THEMIS: variants seen among roughly 807,000 people sequenced by gnomAD.
The protein encoded by THEMIS is protein THEMIS.
In THEMIS, 37 loss-of-function variants were observed where a neutral mutation model predicts 52.6. The observed-to-expected ratio is 0.70, with a 90% CI of 0.54 to 0.93. THEMIS has a LOEUF of 0.93. Ranked by LOEUF, THEMIS falls within the 40% of genes least tolerant of loss-of-function variation. The probability of loss-of-function intolerance (pLI) is 0.00; values close to 1 mark genes in which losing one functional copy is unlikely to be tolerated. For missense variants in THEMIS, 808 were observed against 763.1 expected (o/e 1.06, Z -0.69); for synonymous variants, 292 against 272.7 (o/e 1.07, Z -0.70).
intron 1 of THEMIS, among the ~76,000 whole-genome samples, chr6:127,882,425 A>G (rs1023604571): frequency 3.3e-5 from 5 of 151,942 alleles, no homozygotes; most frequent in African/African-American, 1.2e-4. Context: ...TTTAAGTTTC[A>G]GGATATAATA....
At chr6:127,890,284 T>C (rs771839248) in intron 1 of THEMIS, among the ~76,000 whole-genome samples, 4 of 152,210 alleles carry the variant, frequency 2.6e-5, no homozygotes, top group Non-Finnish European at 5.9e-5. Context: ...AATAAAAACA[T>C]GTAGTATTTT....
chr6:127,707,451 C>G (rs1049479491), downstream of THEMIS, among the ~76,000 whole-genome samples: 1 of 152,042 alleles, frequency 6.6e-6, no homozygotes, highest in African/African-American at 2.4e-5. Context: ...CTGGTTCTCA[C>G]AATCAGAATA....
chr6:127,750,942 T>C (rs1282561494), intron 4 of THEMIS, among the ~76,000 whole-genome samples: 3 of 151,654 alleles, frequency 2.0e-5, no homozygotes, highest in African/African-American at 7.3e-5. Flanking sequence ...TCTTATCATC[T>C]CTCGACCTTA....
intron 4 of THEMIS, among the ~76,000 whole-genome samples, chr6:127,761,348 A>G (rs11752963): frequency 1.3e-5 from 2 of 152,144 alleles, no homozygotes; most frequent in African/African-American, 2.4e-5. Flanking sequence ...CACTCAAGCT[A>G]TAGCTGACCT....
At chr6:127,791,169 T>A (rs772699433) in intron 4 of THEMIS, among the ~76,000 whole-genome samples, 4 of 152,272 alleles carry the variant, frequency 2.6e-5, no homozygotes, top group South Asian at 2.1e-4. Flanking sequence ...CCAGGAAGAA[T>A]GAGTTATGCA....
intron 4 of THEMIS, among the ~76,000 whole-genome samples, chr6:127,769,631 C>CAT (rs140411923): frequency 0.021 from 3,132 of 151,846 alleles, 116 homozygotes; most frequent in African/African-American, 0.072. Flanking sequence ...TATATGCTTA[C>CAT]ATATATATAT....
chr6:127,730,316 G>GAAAA lies in THEMIS; in HGVS notation c.1759-10494_1759-10493insTTTT, dbSNP rs1176339654. On this transcript the variant is annotated intron_variant, in intron 4 of 5. Transcript: ENST00000368248. ...GAAAAGAAAAGAAAAGAAAAGAAAA[G>GAAAA]AGAAAAAAAGAAAAGAAAAGAAAAG... is the stretch of plus-strand genomic sequence containing the variant. 3.1e-5 allele frequency among the ~76,000 whole-genome samples: 4 copies of GAAAA among 129,860 alleles called. No homozygotes were observed. In the Admixed American group the frequency reaches 3.2e-4, roughly 10 times the overall value. 85.2% of individuals were successfully genotyped at this position (129,860 alleles called of 152,430 possible).
intron 4 of THEMIS, among the ~76,000 whole-genome samples, chr6:127,802,454 G>A (rs1217818852): frequency 6.6e-6 from 1 of 152,184 alleles, no homozygotes; most frequent in Non-Finnish European, 1.5e-5. Context: ...GCAAAGGTGG[G>A]CGTAGCTACC....
At chr6:127,806,051 C>T (rs1228713518) in intron 4 of THEMIS, among the ~76,000 whole-genome samples, 1 of 151,750 alleles carries the variant, frequency 6.6e-6, no homozygotes, top group East Asian at 1.9e-4. Context: ...TTAGTGATTA[C>T]AGGCACTAAA....
intron 3 of THEMIS, among the ~76,000 whole-genome samples, chr6:127,819,022 A>G (rs974135127): frequency 1.4e-5 from 2 of 144,192 alleles, no homozygotes; most frequent in African/African-American, 5.1e-5. Flanking sequence ...ATGGAGGCTG[A>G]GACAGGAGAA....
intron 4 of THEMIS, among the ~76,000 whole-genome samples, chr6:127,730,082 C>A (rs781016714): frequency 2.0e-5 from 3 of 151,758 alleles, no homozygotes; most frequent in Non-Finnish European, 2.9e-5. Flanking sequence ...CAAGCCTGAG[C>A]AATATAGTGA....
At chr6:127,916,951 T>G (rs1048273819) in intron 1 of THEMIS, among the ~76,000 whole-genome samples, 1 of 152,210 alleles carries the variant, frequency 6.6e-6, no homozygotes, top group African/African-American at 2.4e-5. Flanking sequence ...GACAGTACAC[T>G]TAGGCTCAAG....
At chr6:127,734,592 C>A (rs916467423) in intron 4 of THEMIS, among the ~76,000 whole-genome samples, 1 of 151,840 alleles carries the variant, frequency 6.6e-6, no homozygotes, top group East Asian at 1.9e-4. Context: ...AAATGGAGGC[C>A]GAGCGCTGTG....
chr6:127,709,941 G>C lies in THEMIS; in HGVS notation c.*44C>G, dbSNP rs769869811. 6.4e-6 allele frequency: 10 copies of C among 1,556,612 alleles called. No homozygotes were observed. In the African/African-American group the frequency reaches 1.3e-4, roughly 20 times the overall value. ...TAGAAGGCTAGCTTCTTTTTTCACT[G>C]CAACATTTATGTTTGCTGCCTAAGT... is the stretch of plus-strand genomic sequence containing the variant. On this transcript the variant is annotated 3_prime_UTR_variant, in exon 6 of 6. Coordinates refer to ENST00000368248, the MANE Select transcript of THEMIS (RefSeq NM_001010923.3).
Position 127,821,177 on chromosome 6 carries a change from A to T in THEMIS, c.710-7246T>A, listed in dbSNP as rs570259467. Reference sequence around the variant, plus strand: ...GTGTGTGTGTGTCTGTGTGTGTGAGAGAGAGAGAGAGAGAGAGATAAATTT... The same window carrying T: ...GTGTGTGTGTGTCTGTGTGTGTGAGTGAGAGAGAGAGAGAGAGATAAATTT... On this transcript the variant is annotated intron_variant, in intron 3 of 5. Transcript: ENST00000368248. Among the ~76,000 whole-genome samples, 148 of 144,726 alleles carry T rather than the reference A, an allele frequency of 1.0e-3. 1 individual carries two copies. Among genetic ancestry groups the T allele is most frequent in the African/African-American group, 3.2e-3 (131 of 40,820 alleles). 94.9% of individuals were successfully genotyped at this position (144,726 alleles called of 152,430 possible).
At chr6:127,852,362 C>T (rs1002650702) in intron 2 of THEMIS, among the ~76,000 whole-genome samples, 4 of 151,436 alleles carry the variant, frequency 2.6e-5, no homozygotes, top group African/African-American at 7.3e-5. Flanking sequence ...AAATAGAAGA[C>T]TTGAACAATA....
chr6:127,716,362 A>G (rs1455783828), intron 5 of THEMIS, among the ~76,000 whole-genome samples: 1 of 151,876 alleles, frequency 6.6e-6, no homozygotes, highest in Non-Finnish European at 1.5e-5. Context: ...CCTCCTCAGA[A>G]CTAAATAATC....
At chr6:127,824,179 CA>C (rs1778428871) in intron 3 of THEMIS, among the ~76,000 whole-genome samples, 1 of 152,110 alleles carries the variant, frequency 6.6e-6, no homozygotes, top group Non-Finnish European at 1.5e-5. Flanking sequence ...TCTCCCTCTG[CA>C]GGAAACAGTA....
chr6:127,846,023 T>C (rs1184770443), intron 2 of THEMIS, among the ~76,000 whole-genome samples: 2 of 151,900 alleles, frequency 1.3e-5, no homozygotes, highest in East Asian at 3.9e-4. Context: ...TGACTGAGTG[T>C]TGACAGAATG....
Sources: allele counts gnomAD v4.1 joint callset (sites outside exome capture counted in the v4.1 genomes callset), GRCh38; gene constraint gnomAD v4.1.1; transcripts MANE v1.5; gene names NCBI Gene and HGNC (gene_info 2026-07-23, HGNC 2026-07-21).